Variants in CSRP2 observed in about 807,000 individuals in gnomAD.
CSRP2 encodes the protein cysteine and glycine rich protein 2.
Under a neutral mutation model 24.6 loss-of-function variants are expected in CSRP2, and 18 were observed. The observed-to-expected ratio is 0.73, with a 90% CI of 0.51 to 1.09. The LOEUF (loss-of-function observed/expected upper bound fraction) is 1.09, where lower values mean the gene tolerates loss of function less well. Ranked by LOEUF, CSRP2 falls within the 50% of genes least tolerant of loss-of-function variation. The pLI, the probability that CSRP2 is intolerant of heterozygous loss-of-function variation, is 0.00. For missense variants in CSRP2, 215 were observed against 239.4 expected (o/e 0.90, Z 0.67); for synonymous variants, 87 against 84.3 (o/e 1.03, Z -0.18).
In CSRP2 at chr12:76,863,282, T is replaced by G. The variant is rs780637656; in HGVS notation, c.175A>C (p.Lys59Gln). 1.2e-6 allele frequency: 2 copies of G among 1,614,262 alleles called. No homozygotes were observed. The highest frequency in any genetic ancestry group is 8.5e-7 in the Non-Finnish European group (1 of 1,180,050). The change falls in exon 3 of 6, where the codon AAA becomes CAA. Residue 59 changes from lysine (K) to glutamine (Q), a missense_variant. Physicochemically the swap from Lys to Gln is moderately conservative, Grantham distance 53. Transcript: ENST00000311083. ...VAIHDEEIYC[K>Q]SCYGKKYGPK... Reference sequence around the variant, plus strand: ...CCATACTTCTTTCCGTAGCAGGATTTGCAGTAGATCTCTTCATCGTGAATT... The same window carrying G: ...CCATACTTCTTTCCGTAGCAGGATTGGCAGTAGATCTCTTCATCGTGAATT...
intron 5 of CSRP2, 95 bp downstream of exon 5, chr12:76,859,451 CT>C (rs1219298802): frequency 4.0e-6 from 3 of 742,284 alleles, no homozygotes; most frequent in Admixed American, 3.0e-5. Context: ...TAGTGGCATA[CT>C]TTTCTTTTTT....
At chr12:76,859,716 G>T in intron 4 of CSRP2, 76 bp from the exon 5 acceptor site, 1 of 1,084,946 alleles carries the variant, frequency 9.2e-7, no homozygotes, top group Non-Finnish European at 1.3e-6. Context: ...GGCAAGAAGT[G>T]GCTCAGGATG....
chr12:76,870,975 CAAAAAAAAA>C (rs398020213), intron 1 of CSRP2, among the ~76,000 whole-genome samples: 5 of 57,180 alleles, frequency 8.7e-5, no homozygotes, highest in Non-Finnish European at 8.7e-5. Context: ...GACCCTGTCT[CAAAAAAAAA>C]AAAAAAAAAA....
intron 5 of CSRP2, among the ~76,000 whole-genome samples, chr12:76,859,229 G>C (rs1372232800): frequency 6.6e-6 from 1 of 152,216 alleles, no homozygotes; most frequent in Non-Finnish European, 1.5e-5. Flanking sequence ...ATAGTGTTCA[G>C]CGTGGTCCTG....
In CSRP2 at chr12:76,859,124, T is replaced by C. The variant is rs1336696976; in HGVS notation, c.506-96A>G. On this transcript the variant is annotated intron_variant, in intron 5 of 5. Coordinates refer to ENST00000311083, the MANE Select transcript of CSRP2 (RefSeq NM_001321.3). ...CTCAACAAACCCCCATAAATTAAAC[T>C]GCTGTGTAAAAGAGCTCAACTTATT... 4.1e-6 allele frequency: 4 copies of C among 965,036 alleles called. No homozygotes were observed. The Admixed American group carries it at 5.9e-5, about 14-fold the overall frequency. 59.8% of individuals were successfully genotyped at this position (965,036 alleles called of 1,614,324 possible). A position where few individuals can be genotyped will look rare whatever the true frequency, so the allele number is the denominator to read the frequency against.
rs142363855 is a variant in CSRP2 at position 76,859,606 on chromosome 12, C to A, written c.446G>T (p.Cys149Phe). ...WHKNCFRCAK[C>F]GKSLESTTLT... is the part of the protein sequence containing the mutation. Reference sequence around the variant, plus strand: ...AGTTGTTGATTCAAGACTCTTCCCACACTTTGCACATCGGAAACAGTTTTT... The same window carrying A: ...AGTTGTTGATTCAAGACTCTTCCCAAACTTTGCACATCGGAAACAGTTTTT... Residue 149 changes from cysteine to phenylalanine, a missense_variant, in exon 5 of 6, where the codon TGT (cysteine) becomes TTT (phenylalanine). By Grantham distance (205) the Cys-to-Phe change is radical. Coordinates refer to ENST00000311083, the MANE Select transcript of CSRP2 (RefSeq NM_001321.3). 4.3e-6 allele frequency: 7 copies of A among 1,612,632 alleles called. No individual in the cohort carries two copies. The highest frequency in any genetic ancestry group is 1.3e-5 in the African/African-American group (1 of 74,846).
chr12:76,859,408 A>C, intron 5 of CSRP2, 139 bp downstream of exon 5: 2 of 641,324 alleles, frequency 3.1e-6, no homozygotes, highest in Admixed American at 5.9e-5. Flanking sequence ...TCTGTCATCT[A>C]TAAGCATCTT....
At chr12:76,859,428 T>C in intron 5 of CSRP2, 119 bp downstream of exon 5, 1 of 703,440 alleles carries the variant, frequency 1.4e-6, no homozygotes, top group Non-Finnish European at 2.4e-6. Context: ...TGGGATATTT[T>C]ATTTTCAGAA....
chr12:76,878,696 G>T (rs1011345143), intron 1 of CSRP2, among the ~76,000 whole-genome samples: 1 of 152,252 alleles, frequency 6.6e-6, no homozygotes, highest in African/African-American at 2.4e-5. Flanking sequence ...GGATCCCAGG[G>T]CATGGCCTGG....
Position 76,863,330 on chromosome 12 carries a change from T to G in CSRP2, c.127A>C (p.Asn43His). Residue 43 changes from asparagine to histidine, a missense_variant, in exon 3 of 6, where the codon AAT becomes CAT. Asn to His is a moderately conservative substitution (Grantham distance 68). Transcript: ENST00000311083. ...CCFLCMVCRK[N>H]LDSTTVAIHD... ...ATTGCCACTGTTGTGCTATCTAAATTTTTCCTGCAAACCACTGCAGGGGAA... is the reference window on the plus strand; with the variant it reads ...ATTGCCACTGTTGTGCTATCTAAATGTTTCCTGCAAACCACTGCAGGGGAA... 1 of 1,614,088 alleles carries G rather than the reference T, an allele frequency of 6.2e-7. No homozygotes were observed. Among genetic ancestry groups the G allele is most frequent in the Middle Eastern group, 1.7e-4 (1 of 6,040 alleles).
Position 76,863,256 on chromosome 12 carries a change from C to A in CSRP2, c.201G>T (p.Gly67=). The part of the protein sequence containing the change: ...YCKSCYGKKY[G]PKGYGYGQGA... ...CCTGGCCATAACCGTAGCCTTTTGG[C>A]CCATACTTCTTTCCGTAGCAGGATT... Residue 67 remains glycine, a synonymous_variant, in exon 3 of 6, where the codon GGG becomes GGT. Coordinates refer to ENST00000311083, the MANE Select transcript of CSRP2 (RefSeq NM_001321.3). The A allele has an allele frequency of 6.2e-7, 1 of 1,614,236 alleles. No homozygotes were observed. The highest frequency in any genetic ancestry group is 8.5e-7 in the Non-Finnish European group (1 of 1,180,052).
intron 4 of CSRP2, 44 bp from the exon 5 acceptor site, chr12:76,859,684 C>T (rs765203671): frequency 6.9e-7 from 1 of 1,442,514 alleles, no homozygotes; most frequent in Non-Finnish European, 9.6e-7. Flanking sequence ...GGCCTGTTTC[C>T]TACAGTTCAA....
At chr12:76,869,371 C>T (rs1189008686) in intron 1 of CSRP2, among the ~76,000 whole-genome samples, 3 of 152,218 alleles carry the variant, frequency 2.0e-5, no homozygotes, top group African/African-American at 7.2e-5. Flanking sequence ...GGGACAAAAA[C>T]ACTCAAACCA....
At chr12:76,868,495 G>T (rs1953756835) in intron 1 of CSRP2, among the ~76,000 whole-genome samples, 1 of 152,202 alleles carries the variant, frequency 6.6e-6, no homozygotes, top group South Asian at 2.1e-4. Flanking sequence ...ATGTGACTTT[G>T]CTTCTCATTC....
In CSRP2 at chr12:76,859,607, A is replaced by G. The variant is rs1467483638; in HGVS notation, c.445T>C (p.Cys149Arg). Residue 149 changes from cysteine to arginine, a missense_variant, in exon 5 of 6, where the codon TGT becomes CGT. Physicochemically the swap from Cys to Arg is radical, Grantham distance 180. Coordinates refer to ENST00000311083, the MANE Select transcript of CSRP2 (RefSeq NM_001321.3). Reference protein sequence around the residue: ...WHKNCFRCAKCGKSLESTTLT... With the variant: ...WHKNCFRCAKRGKSLESTTLT... ...GTTGTTGATTCAAGACTCTTCCCAC[A>G]CTTTGCACATCGGAAACAGTTTTTG... 6.2e-7 allele frequency: 1 copy of G among 1,612,636 alleles called. No individual in the cohort carries two copies. Among genetic ancestry groups the G allele is most frequent in the Non-Finnish European group, 8.5e-7 (1 of 1,179,770 alleles).
Position 76,867,813 on chromosome 12 carries a change from A to G in CSRP2, c.-1-1552T>C, listed in dbSNP as rs1953750067. Among the ~76,000 whole-genome samples, 2 of 151,248 alleles carry G rather than the reference A, an allele frequency of 1.3e-5. 1 individual carries two copies. The highest frequency in any genetic ancestry group is 4.1e-4 in the South Asian group (2 of 4,826). On this transcript the variant is annotated intron_variant, in intron 1 of 5. Transcript: ENST00000311083. The stretch of plus-strand genomic sequence containing the variant: ...AGAAAGAGAAGGGAAACAGAGTGCT[A>G]CTAAGTAGAAAAGATTAAAGAGTCT...
chr12:76,875,469 A>G (rs1190498897), intron 1 of CSRP2, among the ~76,000 whole-genome samples: 1 of 152,240 alleles, frequency 6.6e-6, no homozygotes, highest in Non-Finnish European at 1.5e-5. Context: ...CTATAAGCTC[A>G]GTAACCCTGA....
chr12:76,869,872 T>C (rs1325654041), intron 1 of CSRP2, among the ~76,000 whole-genome samples: 3 of 152,188 alleles, frequency 2.0e-5, no homozygotes, highest in African/African-American at 7.2e-5. Flanking sequence ...AAGCCTTGGC[T>C]CCAACAGCCT....
chr12:76,858,813 T>TA lies in CSRP2; in HGVS notation c.*138dup, dbSNP rs1419003201. 6.9e-5 allele frequency: 48 copies of TA among 695,244 alleles called. No individual in the cohort carries two copies. The highest frequency in any genetic ancestry group is 1.3e-4 in the Admixed American group (5 of 37,706). 43.1% of individuals were successfully genotyped at this position (695,244 alleles called of 1,614,324 possible). On this transcript the variant is annotated 3_prime_UTR_variant, in exon 6 of 6. Coordinates refer to ENST00000311083, the MANE Select transcript of CSRP2 (RefSeq NM_001321.3). ...CATACAGTGCTCTCTTCCTACGAGT[T>TA]AGCCAGCCTATCCAAGTACAGGGCG...
Sources: gnomAD v4.1 joint callset for allele counts (sites outside exome capture counted in the v4.1 genomes callset) on GRCh38, gnomAD v4.1.1 for gene constraint, MANE v1.5 for transcripts, NCBI Gene and HGNC (gene_info 2026-07-23, HGNC 2026-07-21) for gene names.